Variants in KANSL1L observed in about 807,000 individuals in gnomAD.
KANSL1L encodes KAT8 regulatory NSL complex subunit 1 like, also known as KAT8 regulatory NSL complex subunit 1-like protein.
A neutral mutation model predicts 108.6 loss-of-function variants in KANSL1L; 25 were observed. The ratio of observed to expected loss-of-function variants is 0.23; its 90% CI spans 0.17 to 0.32. The LOEUF is 0.32. Ranked by LOEUF, KANSL1L falls within the 10% of genes least tolerant of loss-of-function variation. The probability of loss-of-function intolerance (pLI) is 1.00; values close to 1 mark genes in which losing one functional copy is unlikely to be tolerated. For synonymous variants in KANSL1L, 405 were observed against 395.1 expected (o/e 1.03, Z -0.30); for missense variants, 1,137 against 1,125.7 (o/e 1.01, Z -0.14).
intron 1 of KANSL1L, among the ~76,000 whole-genome samples, chr2:210,157,691 GAAAAAAAAAAAAAAAAAAA>G (rs56676129): frequency 4.2e-5 from 2 of 47,168 alleles, no homozygotes; most frequent in East Asian, 2.5e-3. Flanking sequence ...CACTGTCACA[GAAAAAAAAAAAAAAAAAAA>G]AAAAAAAAAA....
chr2:210,082,296 G>A (rs1340713401), intron 5 of KANSL1L, among the ~76,000 whole-genome samples: 1 of 152,200 alleles, frequency 6.6e-6, no homozygotes, highest in Non-Finnish European at 1.5e-5. Context: ...GACTGCTTTG[G>A]AAAATGCTGC....
At chr2:210,119,653 A>C (rs534836837) in intron 3 of KANSL1L, among the ~76,000 whole-genome samples, 1 of 152,264 alleles carries the variant, frequency 6.6e-6, no homozygotes, top group African/African-American at 2.4e-5. Flanking sequence ...CATGATAAAA[A>C]CCTTCAATAA....
chr2:210,157,101 T>C (rs2125656538), intron 1 of KANSL1L, among the ~76,000 whole-genome samples: 1 of 152,298 alleles, frequency 6.6e-6, no homozygotes, highest in Non-Finnish European at 1.5e-5. Flanking sequence ...ATTCAAGTTG[T>C]TACTTGACCA....
At chr2:210,131,700 A>G (rs2095121741) in intron 2 of KANSL1L, among the ~76,000 whole-genome samples, 1 of 151,830 alleles carries the variant, frequency 6.6e-6, no homozygotes, top group Admixed American at 6.6e-5. Context: ...GATATATGAA[A>G]TAAATTTTCT....
At chr2:210,033,882 C>T (rs147470200) in intron 8 of KANSL1L, among the ~76,000 whole-genome samples, 2 of 152,060 alleles carry the variant, frequency 1.3e-5, no homozygotes, top group African/African-American at 2.4e-5. Flanking sequence ...GTTTTTTTCA[C>T]ATTTATTTTC....
rs920846952 is a variant in KANSL1L at position 210,074,749 on chromosome 2, A to G, written c.1755+803T>C. ...AGAGCTTAAAATTGTTTCCTAATAA[A>G]ACAAAGCATCTTTATTTTAATAAAC... is the stretch of plus-strand genomic sequence containing the variant. On this transcript the variant is annotated intron_variant, in intron 6 of 14. Coordinates refer to ENST00000281772, the MANE Select transcript of KANSL1L (RefSeq NM_152519.4). 5.3e-5 allele frequency among the ~76,000 whole-genome samples: 8 copies of G among 152,344 alleles called. No individual in the cohort carries two copies. In the East Asian group the frequency reaches 1.5e-3, roughly 29 times the overall value.
At chr2:210,028,713 C>T (rs774414335) in intron 11 of KANSL1L, 132 bp downstream of exon 11, 3 of 654,918 alleles carry the variant, frequency 4.6e-6, no homozygotes, top group Non-Finnish European at 7.7e-6. Flanking sequence ...TTTTTTTTCA[C>T]CGTTTCCCCT....
intron 6 of KANSL1L, among the ~76,000 whole-genome samples, chr2:210,063,186 C>T (rs2094436467): frequency 6.6e-6 from 1 of 152,200 alleles, no homozygotes; most frequent in Non-Finnish European, 1.5e-5. Context: ...TTGGCAGTTT[C>T]CATGTGGTGT....
At chr2:210,128,252 A>G (rs746865149) in intron 3 of KANSL1L, among the ~76,000 whole-genome samples, 1 of 152,350 alleles carries the variant, frequency 6.6e-6, no homozygotes, top group Non-Finnish European at 1.5e-5. Context: ...CCAGCAATTC[A>G]ACTTGTGGGT....
rs148825055 is a variant in KANSL1L, at chr2:210,153,978, G to C, written c.605C>G (p.Pro202Arg). 1.1e-5 allele frequency: 18 copies of C among 1,613,470 alleles called. No homozygotes were observed. Among genetic ancestry groups the C allele is most frequent in the Non-Finnish European group, 1.4e-5 (16 of 1,180,014 alleles). ...ACTAACAGGCACATTTGAGTGGCCA[G>C]GTACAATTTTCTTTTGAGTACAGTG... ...LLHCTQKKIV[P>R]GHSNVPVSSS... The change falls in exon 2 of 15, where the codon CCT becomes CGT. Residue 202 changes from proline to arginine, a missense_variant. Physicochemically the swap from Pro to Arg is moderately radical, Grantham distance 103 (BLOSUM62 -2). Coordinates refer to ENST00000281772, the MANE Select transcript of KANSL1L (RefSeq NM_152519.4).
chr2:210,128,405 T>C (rs937566170), intron 3 of KANSL1L, among the ~76,000 whole-genome samples: 16 of 152,194 alleles, frequency 1.1e-4, no homozygotes, highest in Admixed American at 8.5e-4. Context: ...GGTATATACA[T>C]ACAATAAATT....
intron 1 of KANSL1L, among the ~76,000 whole-genome samples, chr2:210,164,844 T>C (rs1019386117): frequency 6.6e-6 from 1 of 151,682 alleles, no homozygotes; most frequent in Non-Finnish European, 1.5e-5. Flanking sequence ...AATTTTACTT[T>C]TATTTTTTCT....
intron 5 of KANSL1L, among the ~76,000 whole-genome samples, chr2:210,094,074 T>C (rs989837632): frequency 2.6e-5 from 4 of 152,098 alleles, no homozygotes; most frequent in Non-Finnish European, 5.9e-5. Flanking sequence ...ATGGGAAGTA[T>C]TGTTTAGTGG....
Position 210,147,960 on chromosome 2 carries a change from A to G in KANSL1L, c.1088+5535T>C, listed in dbSNP as rs904048784. Among the ~76,000 whole-genome samples, 5 of 152,120 alleles carry G rather than the reference A, an allele frequency of 3.3e-5. No individual in the cohort carries two copies. In the South Asian group the frequency reaches 8.3e-4, roughly 25 times the overall value. ...GTCTGCAAAAACTTAATTATTTTCT[A>G]TTTTTTAATCTGGAGTCACCCAACA... On this transcript the variant is annotated intron_variant, in intron 2 of 14. Coordinates refer to ENST00000281772, the MANE Select transcript of KANSL1L (RefSeq NM_152519.4).
rs1575408028 is a variant in KANSL1L at position 210,044,776 on chromosome 2, T to C, written c.1756-672A>G. Among the ~76,000 whole-genome samples, 1 of 152,188 alleles carries C rather than the reference T, an allele frequency of 6.6e-6. No homozygotes were observed. The highest frequency in any genetic ancestry group is 1.9e-4 in the East Asian group (1 of 5,204). ...AATTGCATTAACAGATTTTATTTTTTATTTTATTTTTTTGAGACAGTCTCG... is the reference window on the plus strand; with the variant it reads ...AATTGCATTAACAGATTTTATTTTTCATTTTATTTTTTTGAGACAGTCTCG... On this transcript the variant is annotated intron_variant, in intron 6 of 14. Transcript: ENST00000281772. This position sits in a 1 kb window ranked among gnomAD's most constrained non-coding sequence, Gnocchi z 4.2.
chr2:210,092,190 G>A (rs1258064521), intron 5 of KANSL1L, among the ~76,000 whole-genome samples: 2 of 152,118 alleles, frequency 1.3e-5, no homozygotes, highest in African/African-American at 4.8e-5. Context: ...CTTCCTGAAT[G>A]TGGTGTCTTT....
chr2:210,149,594 TTAAAA>T (rs1275348640), intron 2 of KANSL1L, among the ~76,000 whole-genome samples: 10 of 152,134 alleles, frequency 6.6e-5, no homozygotes, highest in Non-Finnish European at 1.0e-4. Flanking sequence ...AAAAATAAAC[TTAAAA>T]TAAACTTATA....
intron 2 of KANSL1L, among the ~76,000 whole-genome samples, chr2:210,150,736 C>T (rs537043522): frequency 5.4e-5 from 8 of 149,462 alleles, no homozygotes; most frequent in East Asian, 2.0e-4. Context: ...GAGCCGAGAT[C>T]GTGCCATTGC....
At chr2:210,078,532 G>T (rs1273433906) in intron 5 of KANSL1L, among the ~76,000 whole-genome samples, 1 of 152,154 alleles carries the variant, frequency 6.6e-6, no homozygotes, top group African/African-American at 2.4e-5. Context: ...TGTGAGATAT[G>T]TTTATTTCAC....
Sources: allele counts gnomAD v4.1 joint callset (sites outside exome capture counted in the v4.1 genomes callset), GRCh38; gene constraint gnomAD v4.1.1; non-coding constraint Gnocchi (gnomAD v3.1); transcripts MANE v1.5; gene names NCBI Gene and HGNC (gene_info 2026-07-23, HGNC 2026-07-21).